Variants in MLLT3 observed in about 807,000 individuals in gnomAD.
The protein encoded by MLLT3 is protein AF-9.
MLLT3 carries 4 observed loss-of-function variants against 53.2 expected under a neutral mutation model. The ratio of observed to expected loss-of-function variants is 0.08; its 90% CI spans 0.04 to 0.17. The LOEUF (loss-of-function observed/expected upper bound fraction) is 0.17. Ranked by LOEUF, MLLT3 falls within the 10% of genes least tolerant of loss-of-function variation. The pLI is 1.00. For missense variants in MLLT3, 569 were observed against 684.0 expected (o/e 0.83, Z 1.87); for synonymous variants, 283 against 230.6 (o/e 1.23, Z -2.06).
intron 2 of MLLT3, among the ~76,000 whole-genome samples, chr9:20,542,700 G>A (rs1318059768): frequency 1.3e-5 from 2 of 152,134 alleles, no homozygotes; most frequent in South Asian, 4.1e-4. Flanking sequence ...TAATTCTTAA[G>A]GAACCTAGGA....
chr9:20,434,201 T>G (rs1231158278), intron 4 of MLLT3, among the ~76,000 whole-genome samples: 4 of 152,050 alleles, frequency 2.6e-5, no homozygotes, highest in African/African-American at 9.7e-5. Flanking sequence ...GGATAACAAG[T>G]TAATAATGTA....
chr9:20,542,991 A>T (rs1461184463), intron 2 of MLLT3, among the ~76,000 whole-genome samples: 2 of 152,122 alleles, frequency 1.3e-5, no homozygotes, highest in Non-Finnish European at 2.9e-5. Context: ...TCATGAAACA[A>T]CCTCTGCTAG....
chr9:20,560,816 G>C (rs1819184360), intron 2 of MLLT3, among the ~76,000 whole-genome samples: 1 of 151,174 alleles, frequency 6.6e-6, no homozygotes, highest in Non-Finnish European at 1.5e-5. Flanking sequence ...ATATTTATGG[G>C]GTACATGTGA....
chr9:20,608,569 C>T (rs1335940648), intron 2 of MLLT3, among the ~76,000 whole-genome samples: 2 of 151,838 alleles, frequency 1.3e-5, no homozygotes, highest in Admixed American at 6.6e-5. Context: ...TACATGTCTC[C>T]CTTTAAAGCT....
chr9:20,501,577 C>T (rs1825229008), intron 2 of MLLT3, among the ~76,000 whole-genome samples: 3 of 151,596 alleles, frequency 2.0e-5, no homozygotes, highest in African/African-American at 7.3e-5. Flanking sequence ...AGGTGAAACC[C>T]CGTCTCTACT....
At chr9:20,495,539 C>G (rs1035383813) in intron 2 of MLLT3, among the ~76,000 whole-genome samples, 1 of 152,116 alleles carries the variant, frequency 6.6e-6, no homozygotes, top group Non-Finnish European at 1.5e-5. Context: ...TTAAATGTGG[C>G]CTTTCCACAT....
intron 2 of MLLT3, among the ~76,000 whole-genome samples, chr9:20,531,578 G>A (rs182325108): frequency 1.4e-4 from 22 of 152,212 alleles, no homozygotes; most frequent in Admixed American, 1.4e-3. Context: ...TGAGAAGCAA[G>A]GTCCACTTCT....
chr9:20,365,818 G>C (rs1821436642), intron 5 of MLLT3, 74 bp from the exon 6 acceptor site: 1 of 1,499,058 alleles, frequency 6.7e-7, no homozygotes, highest in Non-Finnish European at 9.2e-7. Context: ...AAACAGTATT[G>C]TTGCTCAAAC....
intron 2 of MLLT3, among the ~76,000 whole-genome samples, chr9:20,516,586 T>C (rs1204140749): frequency 1.3e-5 from 2 of 152,228 alleles, no homozygotes; most frequent in African/African-American, 4.8e-5. Context: ...AGCAGAAACA[T>C]CTATTTCTTT....
chr9:20,547,496 T>A (rs1020781150), intron 2 of MLLT3, among the ~76,000 whole-genome samples: 90 of 151,778 alleles, frequency 5.9e-4, no homozygotes, highest in African/African-American at 2.1e-3. Context: ...TACAAAAAAA[T>A]TAACTGGGTG....
At chr9:20,464,245 AT>A (rs1824181406) in intron 2 of MLLT3, among the ~76,000 whole-genome samples, 2 of 152,218 alleles carry the variant, frequency 1.3e-5, no homozygotes, top group African/African-American at 4.8e-5. Flanking sequence ...ATATTAACGC[AT>A]TTCTTCTCAA....
chr9:20,513,101 G>C (rs1245360735), intron 2 of MLLT3, among the ~76,000 whole-genome samples: 1 of 152,212 alleles, frequency 6.6e-6, no homozygotes, highest in Non-Finnish European at 1.5e-5. Flanking sequence ...AGGGCTCTAG[G>C]AAATATAGTT....
intron 2 of MLLT3, among the ~76,000 whole-genome samples, chr9:20,615,883 A>G (rs1233354347): frequency 1.3e-5 from 2 of 149,974 alleles, no homozygotes; most frequent in African/African-American, 4.9e-5. Flanking sequence ...TGAAAAAAAA[A>G]AAAAAAAAGA....
intron 3 of MLLT3, among the ~76,000 whole-genome samples, chr9:20,455,958 T>A (rs199522645): frequency 0.13 from 13,862 of 107,086 alleles, 1,960 homozygotes; most frequent in African/African-American, 0.37. Flanking sequence ...TTGAGAAAAA[T>A]AATGGAGCCT....
At position 20,495,127 on chromosome 9, in the gene MLLT3, GA is replaced by G. The variant is rs1476694257; in HGVS notation, c.194-38342del. 2.0e-5 allele frequency among the ~76,000 whole-genome samples: 3 copies of G among 152,098 alleles called. No homozygotes were observed. The East Asian group carries it at 5.8e-4, about 29-fold the overall frequency. ...CATTATCTTTTTGCCCTCAAGAGAA[GA>G]ACTAGGCCTATATAAATCATTTTTC... On this transcript the variant is annotated intron_variant, in intron 2 of 10. Transcript: ENST00000380338.
intron 5 of MLLT3, among the ~76,000 whole-genome samples, chr9:20,380,934 C>G (rs554106293): frequency 6.6e-6 from 1 of 151,956 alleles, no homozygotes; most frequent in Non-Finnish European, 1.5e-5. Flanking sequence ...TCCTGATGAA[C>G]TGAGCAAACT....
chr9:20,369,667 T>A (rs1391881380), intron 5 of MLLT3, among the ~76,000 whole-genome samples: 1 of 152,208 alleles, frequency 6.6e-6, no homozygotes, highest in African/African-American at 2.4e-5. Context: ...CACTGTGAGT[T>A]ATGTATTTTA....
At chr9:20,420,666 C>T (rs977180491) in intron 4 of MLLT3, among the ~76,000 whole-genome samples, 1 of 152,074 alleles carries the variant, frequency 6.6e-6, no homozygotes, top group Non-Finnish European at 1.5e-5. Flanking sequence ...AACCCACACG[C>T]TCATTTAATA....
intron 2 of MLLT3, among the ~76,000 whole-genome samples, chr9:20,538,568 C>A (rs1262167189): frequency 6.6e-6 from 1 of 152,048 alleles, no homozygotes; most frequent in East Asian, 1.9e-4. Context: ...AATTCGTATA[C>A]CAAAGTTGCT....
Sources: gnomAD v4.1 joint callset for allele counts (sites outside exome capture counted in the v4.1 genomes callset) on GRCh38, gnomAD v4.1.1 for gene constraint, MANE v1.5 for transcripts, NCBI Gene and HGNC (gene_info 2026-07-23, HGNC 2026-07-21) for gene names.